The following CA10 variants were observed in gnomAD, a reference collection of about 807,000 sequenced individuals.
CA10 encodes the protein carbonic anhydrase-related protein 10.
In CA10, 14 loss-of-function variants were observed where a neutral mutation model predicts 44.2. The observed-to-expected ratio is 0.32, with a 90% confidence interval of 0.21 to 0.50. The LOEUF (loss-of-function observed/expected upper bound fraction) is 0.50, where lower values mean the gene tolerates loss of function less well. Ranked by LOEUF, CA10 falls within the 20% of genes least tolerant of loss-of-function variation. The probability of loss-of-function intolerance (pLI) is 0.99; values close to 1 mark genes in which losing one functional copy is unlikely to be tolerated. For synonymous variants in CA10, 159 were observed against 141.6 expected, an observed-to-expected ratio of 1.12 and a Z score of -0.87; for missense variants, 350 against 409.7, an observed-to-expected ratio of 0.85 and a Z score of 1.26.
chr17:51,777,820 T>C (rs1269675669), intron 3 of CA10, among the ~76,000 whole-genome samples: 2 of 152,164 alleles, frequency 1.3e-5, no homozygotes, highest in African/African-American at 4.8e-5. Context: ...TGGTCCCTGC[T>C]ACTCTGGAGG....
At chr17:52,065,502 G>C (rs559078574) in intron 2 of CA10, among the ~76,000 whole-genome samples, 1 of 152,106 alleles carries the variant, frequency 6.6e-6, no homozygotes, top group East Asian at 1.9e-4. Flanking sequence ...AGGAATAGGT[G>C]GTGGGAAGAG....
chr17:52,157,529 A>ACCG (rs1555571053), intron 1 of CA10, among the ~76,000 whole-genome samples, 197 bp downstream of exon 1: 8 of 110,434 alleles, frequency 7.2e-5, no homozygotes, highest in African/African-American at 2.6e-4. Context: ...GATCCTAACC[A>ACCG]CCCCCCCCCG....
intron 3 of CA10, among the ~76,000 whole-genome samples, chr17:51,925,249 C>A (rs939286367): frequency 1.5e-4 from 23 of 152,020 alleles, no homozygotes; most frequent in African/African-American, 5.6e-4. Flanking sequence ...ATTTCTACAA[C>A]CTATCTCCTT....
intron 1 of CA10, among the ~76,000 whole-genome samples, chr17:52,093,810 G>A (rs1282517664): frequency 6.6e-6 from 1 of 152,140 alleles, no homozygotes; most frequent in Admixed American, 6.6e-5. Context: ...TGTTTTGCAA[G>A]TATATCTTGT....
intron 2 of CA10, among the ~76,000 whole-genome samples, chr17:52,031,440 G>A (rs1453092732): frequency 6.6e-6 from 1 of 152,094 alleles, no homozygotes; most frequent in Non-Finnish European, 1.5e-5. Context: ...GTGAGCCACT[G>A]TGCCTGGCTG....
At chr17:52,150,961 G>A (rs1194278820) in intron 1 of CA10, among the ~76,000 whole-genome samples, 2 of 152,052 alleles carry the variant, frequency 1.3e-5, no homozygotes, top group African/African-American at 4.8e-5. Context: ...CACTTAGAAT[G>A]TCCCATAATG....
At chr17:51,845,122 G>A (rs1045006155) in intron 3 of CA10, among the ~76,000 whole-genome samples, 1 of 152,166 alleles carries the variant, frequency 6.6e-6, no homozygotes, top group Non-Finnish European at 1.5e-5. Context: ...AACCTTCAGA[G>A]GGAGCACAGC....
At chr17:51,679,435 T>A (rs766695550) in intron 4 of CA10, among the ~76,000 whole-genome samples, 1 of 151,624 alleles carries the variant, frequency 6.6e-6, no homozygotes, top group East Asian at 1.9e-4. Flanking sequence ...AATTCCTTTT[T>A]TATTTTTAGT....
chr17:51,725,235 G>A (rs1639490789), intron 4 of CA10, among the ~76,000 whole-genome samples: 1 of 152,230 alleles, frequency 6.6e-6, no homozygotes, highest in Non-Finnish European at 1.5e-5. Flanking sequence ...GACAGGCCAA[G>A]GATTGATGAG....
At chr17:51,750,356 A>G (rs1879152520) in intron 3 of CA10, among the ~76,000 whole-genome samples, 1 of 152,282 alleles carries the variant, frequency 6.6e-6, no homozygotes. Flanking sequence ...GCATATATGT[A>G]TATTATATAT....
chr17:52,132,211 T>C (rs554825164), intron 1 of CA10, among the ~76,000 whole-genome samples: 19 of 152,022 alleles, frequency 1.2e-4, no homozygotes, highest in Admixed American at 5.2e-4. Flanking sequence ...ATTTTTAAAT[T>C]AAAAAAATTA....
At chr17:51,633,080 A>T (rs1912658246) in intron 8 of CA10, among the ~76,000 whole-genome samples, 2 of 150,248 alleles carry the variant, frequency 1.3e-5, no homozygotes, top group Non-Finnish European at 3.0e-5. Flanking sequence ...TGGGAACATC[A>T]GCCTTTCTGG....
chr17:51,981,969 T>C (rs1341792954), intron 2 of CA10, among the ~76,000 whole-genome samples: 1 of 152,028 alleles, frequency 6.6e-6, no homozygotes, highest in Admixed American at 6.6e-5. Flanking sequence ...CATGATGTAA[T>C]ATATGAGGGT....
At chr17:51,651,045 T>G (rs1358712637) in intron 5 of CA10, among the ~76,000 whole-genome samples, 2 of 152,228 alleles carry the variant, frequency 1.3e-5, no homozygotes, top group African/African-American at 4.8e-5. Flanking sequence ...ATAAAACTCA[T>G]AGATAAGCAA....
At chr17:51,950,257 C>T (rs2144031961) in intron 2 of CA10, among the ~76,000 whole-genome samples, 1 of 152,234 alleles carries the variant, frequency 6.6e-6, no homozygotes, top group South Asian at 2.1e-4. Context: ...ACCTCTGACC[C>T]TCTGTCTCCT....
intron 3 of CA10, among the ~76,000 whole-genome samples, chr17:51,867,530 C>G (rs1394863782): frequency 6.6e-6 from 1 of 152,216 alleles, no homozygotes; most frequent in Admixed American, 6.5e-5. Flanking sequence ...TGTTTATTCT[C>G]TAGGTGGTTG....
chr17:51,753,289 T>A (rs1260670122), intron 3 of CA10, among the ~76,000 whole-genome samples: 1 of 152,254 alleles, frequency 6.6e-6, no homozygotes, highest in Non-Finnish European at 1.5e-5. Flanking sequence ...AGAAGCACTA[T>A]GTTCTTTTGC....
chr17:51,659,544 A>G (rs552499150), intron 4 of CA10, among the ~76,000 whole-genome samples: 10 of 152,214 alleles, frequency 6.6e-5, no homozygotes, highest in Non-Finnish European at 1.3e-4. Flanking sequence ...CCAAAATGGG[A>G]TGGGTACCGG....
At chr17:51,903,684 C>A (rs1442191512) in intron 3 of CA10, among the ~76,000 whole-genome samples, 1 of 152,150 alleles carries the variant, frequency 6.6e-6, no homozygotes, top group Non-Finnish European at 1.5e-5. Context: ...GTAGCCACCT[C>A]ACAGAATATG....
Sources: gnomAD v4.1 joint callset for allele counts (sites outside exome capture counted in the v4.1 genomes callset) on GRCh38, gnomAD v4.1.1 for gene constraint, MANE v1.5 for transcripts, NCBI Gene and HGNC (gene_info 2026-07-23, HGNC 2026-07-21) for gene names.